MAP2: variants seen among roughly 807,000 people sequenced by gnomAD.
MAP2 encodes microtubule-associated protein 2.
A neutral mutation model predicts 137.6 loss-of-function variants in MAP2; 14 were observed. The ratio of observed to expected loss-of-function variants is 0.10; its 90% CI spans 0.07 to 0.16. The LOEUF (loss-of-function observed/expected upper bound fraction) is 0.16, where lower values mean the gene tolerates loss of function less well. Ranked by LOEUF, MAP2 falls within the 10% of genes least tolerant of loss-of-function variation. MAP2 has a pLI of 1.00. For missense variants in MAP2, 2,088 were observed against 2,191.5 expected (o/e 0.95, Z 0.94); for synonymous variants, 786 against 782.3 (o/e 1.00, Z -0.08).
At chr2:209,450,913 A>C (rs67965833) in intron 1 of MAP2, among the ~76,000 whole-genome samples, 24,329 of 152,136 alleles carry the variant, frequency 0.16, 2,395 homozygotes, top group African/African-American at 0.27. Context: ...TGTAATTATT[A>C]GAATTATATA....
intron 3 of MAP2, among the ~76,000 whole-genome samples, chr2:209,583,532 TAAAG>T (rs2077008247): frequency 6.6e-6 from 1 of 151,412 alleles, no homozygotes; most frequent in African/African-American, 2.4e-5. Context: ...GTGACCAAAA[TAAAG>T]AAACAAGCAG....
intron 14 of MAP2, among the ~76,000 whole-genome samples, chr2:209,726,400 A>G (rs1257164919): frequency 6.6e-6 from 1 of 152,178 alleles, no homozygotes; most frequent in Non-Finnish European, 1.5e-5. Flanking sequence ...TCTCCCTTTA[A>G]AGTGTGAATC....
intron 1 of MAP2, among the ~76,000 whole-genome samples, chr2:209,436,827 T>G (rs1428523315): frequency 6.6e-6 from 1 of 151,738 alleles, no homozygotes; most frequent in Non-Finnish European, 1.5e-5. Flanking sequence ...AGTAACTGTG[T>G]AGAATCTTTA....
At chr2:209,490,102 G>A (rs2058888161) in intron 1 of MAP2, among the ~76,000 whole-genome samples, 1 of 152,192 alleles carries the variant, frequency 6.6e-6, no homozygotes, top group African/African-American at 2.4e-5. Flanking sequence ...TTGCAAGCCA[G>A]AAGAGAGCGG....
Position 209,700,297 on chromosome 2 carries a change from C to T in MAP2, c.4543C>T (p.Leu1515=). Residue 1515 remains leucine, a synonymous_variant, in exon 11 of 16, where the codon CTG becomes TTG. Transcript: ENST00000682079. ...KTTAAGGESA[L]APSVFKQAKD... is the part of the protein sequence containing the mutation. ...AACAGCAGCAGGTGGGGAATCAGCT[C>T]TGGCTCCCAGTGTATTTAAACAGGC... The T allele has an allele frequency of 2.5e-6, 4 of 1,613,614 alleles. No individual in the cohort carries two copies. The highest frequency in any genetic ancestry group is 1.7e-4 in the Middle Eastern group (1 of 6,056).
chr2:209,653,382 A>G lies in MAP2; in HGVS notation c.212A>G (p.Lys71Arg). ...HGSQGTYSNT[K>R]ENGINGELTS... is the part of the protein sequence containing the mutation. ...TCACAGGGCACCTATTCAAATACCA[A>G]AGAGAATGGGATCAACGGAGAGCTG... is the stretch of plus-strand genomic sequence containing the variant. Residue 71 changes from lysine (K) to arginine (R), a missense_variant, in exon 5 of 16, where the codon AAA (lysine) becomes AGA (arginine). By Grantham distance (26) the Lys-to-Arg change is conservative. Coordinates refer to ENST00000682079, the MANE Select transcript of MAP2 (RefSeq NM_001375505.1). 6.2e-7 allele frequency: 1 copy of G among 1,613,720 alleles called. No individual in the cohort carries two copies. Among genetic ancestry groups the G allele is most frequent in the African/African-American group, 1.3e-5 (1 of 75,022 alleles).
chr2:209,533,628 T>A (rs4673484), intron 2 of MAP2, among the ~76,000 whole-genome samples: 152,246 of 152,346 alleles, frequency 1, 76,074 homozygotes, highest in Middle Eastern at 1. Context: ...GACATGAGGA[T>A]TTATTTTTTA....
intron 1 of MAP2, among the ~76,000 whole-genome samples, chr2:209,479,438 G>T (rs1163024918): frequency 6.6e-6 from 1 of 151,912 alleles, no homozygotes; most frequent in Non-Finnish European, 1.5e-5. Context: ...TTAATAGATA[G>T]GAACTATGAT....
intron 7 of MAP2, among the ~76,000 whole-genome samples, chr2:209,682,919 G>T (rs549671599): frequency 1.4e-4 from 21 of 152,240 alleles, no homozygotes; most frequent in Non-Finnish European, 2.1e-4. Context: ...ATGTTTCTAA[G>T]CTCCTACTTA....
chr2:209,552,648 G>C (rs552167847), intron 2 of MAP2, among the ~76,000 whole-genome samples: 11 of 152,134 alleles, frequency 7.2e-5, no homozygotes, highest in African/African-American at 2.7e-4. Context: ...GGATCACGAG[G>C]TCAGGAGTTT....
intron 13 of MAP2, among the ~76,000 whole-genome samples, chr2:209,716,837 C>A (rs1199210641): frequency 1.3e-5 from 2 of 152,092 alleles, no homozygotes; most frequent in Non-Finnish European, 2.9e-5. Flanking sequence ...TTTAAATTCT[C>A]ACATGCATGG....
In MAP2 at chr2:209,552,637, T is replaced by C. The variant is rs184002118; in HGVS notation, c.-171-27399T>C. On this transcript the variant is annotated intron_variant, in intron 2 of 15. Transcript: ENST00000682079. ...CAGCACTTTGGGAGGCCGAGGCGGG[T>C]GGATCACGAGGTCAGGAGTTTGAGA... is the stretch of plus-strand genomic sequence containing the variant. 4.5e-3 allele frequency among the ~76,000 whole-genome samples: 679 copies of C among 151,582 alleles called. 9 individuals carry two copies. Among genetic ancestry groups the C allele is most frequent in the African/African-American group, 0.015 (633 of 41,370 alleles).
At chr2:209,517,135 C>T (rs1006352956) in intron 2 of MAP2, among the ~76,000 whole-genome samples, 1 of 152,076 alleles carries the variant, frequency 6.6e-6, no homozygotes, top group Non-Finnish European at 1.5e-5. Flanking sequence ...ATCATCCTCC[C>T]TCTTCCGCCA....
chr2:209,564,301 T>A (rs1372323391), intron 2 of MAP2, among the ~76,000 whole-genome samples: 2 of 152,114 alleles, frequency 1.3e-5, no homozygotes, highest in Non-Finnish European at 2.9e-5. Context: ...TGTACCTCAT[T>A]TTTGGAACTC....
rs1034709094 is a variant in MAP2 at position 209,679,368 on chromosome 2, C to CAGAT, written c.376+695_376+698dup. 3.6e-5 allele frequency among the ~76,000 whole-genome samples: 5 copies of CAGAT among 140,728 alleles called. No homozygotes were observed. The South Asian group carries it at 8.9e-4, about 25-fold the overall frequency. The allele number at this position is 140,728 out of a possible 152,430, so 92.3% of individuals were successfully genotyped here. On this transcript the variant is annotated intron_variant, in intron 6 of 15. Coordinates refer to ENST00000682079, the MANE Select transcript of MAP2 (RefSeq NM_001375505.1). ...ATAGATAGATAGATAGATAGATAGG[C>CAGAT]AGATAGATAGATAGAGAGATGGATG...
At chr2:209,685,547 T>C (rs1012734378) in intron 7 of MAP2, among the ~76,000 whole-genome samples, 3 of 152,154 alleles carry the variant, frequency 2.0e-5, no homozygotes, top group Admixed American at 6.5e-5. Context: ...AAACAGAGAC[T>C]TGGAGTACAG....
intron 1 of MAP2, among the ~76,000 whole-genome samples, chr2:209,486,044 T>C (rs2058338375): frequency 6.6e-6 from 1 of 152,232 alleles, no homozygotes; most frequent in Admixed American, 6.5e-5. Context: ...CATCATTCTC[T>C]TAAGTATTTG....
At chr2:209,531,654 G>T (rs2065129682) in intron 2 of MAP2, among the ~76,000 whole-genome samples, 1 of 152,078 alleles carries the variant, frequency 6.6e-6, no homozygotes, top group Admixed American at 6.6e-5. Flanking sequence ...TTAGAAATCT[G>T]TTATGTTAAT....
chr2:209,578,507 T>TC lies in MAP2; in HGVS notation c.-171-1528dup, dbSNP rs556195937. 3.4e-4 allele frequency among the ~76,000 whole-genome samples: 51 copies of TC among 152,084 alleles called. No homozygotes were observed. In the East Asian group the frequency reaches 8.5e-3, roughly 25 times the overall value. Reference sequence around the variant, plus strand: ...CTTCTCTGCCATCATATTTTTTTTTTCTTGACTTTCTGTTTCCAGTAACCA... The same window carrying TC: ...CTTCTCTGCCATCATATTTTTTTTTTCCTTGACTTTCTGTTTCCAGTAACCA... On this transcript the variant is annotated intron_variant, in intron 2 of 15. Coordinates refer to ENST00000682079, the MANE Select transcript of MAP2 (RefSeq NM_001375505.1).
Sources: allele counts gnomAD v4.1 joint callset (sites outside exome capture counted in the v4.1 genomes callset), GRCh38; gene constraint gnomAD v4.1.1; transcripts MANE v1.5; gene names NCBI Gene and HGNC (gene_info 2026-07-23, HGNC 2026-07-21).